Variants in ADAM20 observed in about 807,000 individuals in gnomAD.
The protein encoded by ADAM20 is disintegrin and metalloproteinase domain-containing protein 20.
For synonymous variants in ADAM20, 305 were observed against 310.2 expected (o/e 0.98, Z 0.18); for missense variants, 871 against 883.2 (o/e 0.99, Z 0.18).
chr14:70,574,515 G>A, the ADAM20 span, among the ~76,000 whole-genome samples: 4 of 151,780 alleles, frequency 2.6e-5, no homozygotes, highest in African/African-American at 2.4e-5. Context: ...TGGCGGGTGC[G>A]TGTAGTCCCA....
the ADAM20 span, among the ~76,000 whole-genome samples, chr14:70,575,884 AAT>A: frequency 1.3e-5 from 2 of 152,320 alleles, no homozygotes; most frequent in East Asian, 3.9e-4. Flanking sequence ...CAAAAATTTG[AAT>A]ATACAATATG....
the ADAM20 span, among the ~76,000 whole-genome samples, chr14:70,543,764 C>CT: frequency 6.6e-6 from 1 of 152,202 alleles, no homozygotes; most frequent in Non-Finnish European, 1.5e-5. Flanking sequence ...TACAGTCACT[C>CT]TGAGACCAGA....
the ADAM20 span, among the ~76,000 whole-genome samples, chr14:70,573,978 TAAAG>T: frequency 6.6e-6 from 1 of 152,256 alleles, no homozygotes; most frequent in South Asian, 2.1e-4. Flanking sequence ...AGAAAATCAA[TAAAG>T]AAACAGCAGA....
chr14:70,540,207 C>T, the ADAM20 span, among the ~76,000 whole-genome samples: 167 of 151,950 alleles, frequency 1.1e-3, no homozygotes, highest in African/African-American at 3.7e-3. Flanking sequence ...GGGCCTCACC[C>T]GAAGGCCAAT....
the ADAM20 span, among the ~76,000 whole-genome samples, chr14:70,554,085 G>T: frequency 6.6e-6 from 1 of 152,170 alleles, no homozygotes; most frequent in Non-Finnish European, 1.5e-5. Context: ...TAGTAAAATT[G>T]CAGGGTACAA....
At chr14:70,544,163 A>G in the ADAM20 span, among the ~76,000 whole-genome samples, 3 of 152,124 alleles carry the variant, frequency 2.0e-5, no homozygotes, top group African/African-American at 7.2e-5. Context: ...GAAACATTCC[A>G]AGCCTGTGAT....
At position 70,526,545 on chromosome 14, in the gene ADAM20, G is replaced by A. The variant is rs561972666; in HGVS notation, c.-176-1612C>T. Among the ~76,000 whole-genome samples, 94 of 152,308 alleles carry A rather than the reference G, an allele frequency of 6.2e-4. 1 individual carries two copies. The highest frequency in any genetic ancestry group is 2.2e-3 in the African/African-American group (91 of 41,570). On this transcript the variant is annotated intron_variant, in intron 1 of 1. Coordinates refer to ENST00000256389, the MANE Select transcript of ADAM20 (RefSeq NM_003814.5). The stretch of plus-strand genomic sequence containing the variant: ...AATGGGTGAATTGAGAGAGGATCAT[G>A]ACAGAAAAAGCCTTGTAGAGAAGAT...
intron 1 of ADAM20, among the ~76,000 whole-genome samples, chr14:70,531,079 C>G (rs568271246): frequency 1.3e-5 from 2 of 152,022 alleles, no homozygotes; most frequent in Admixed American, 6.5e-5. Flanking sequence ...AATTGGCAAA[C>G]CTTTAACTAG....
chr14:70,559,322 T>TC, the ADAM20 span, among the ~76,000 whole-genome samples: 1 of 151,274 alleles, frequency 6.6e-6, no homozygotes, highest in Non-Finnish European at 1.5e-5. Context: ...CTTTTTTTTT[T>TC]CATCATACCA....
the ADAM20 span, among the ~76,000 whole-genome samples, chr14:70,553,359 A>G: frequency 6.8e-6 from 1 of 147,024 alleles, no homozygotes; most frequent in Non-Finnish European, 1.5e-5. Context: ...AAAAAAAAAA[A>G]AAGAGCTAAT....
chr14:70,571,068 A>G, the ADAM20 span, among the ~76,000 whole-genome samples: 2 of 152,190 alleles, frequency 1.3e-5, no homozygotes, highest in Non-Finnish European at 2.9e-5. Flanking sequence ...CTTCATAAAA[A>G]CCTTCAACAA....
intron 1 of ADAM20, among the ~76,000 whole-genome samples, chr14:70,527,247 T>C (rs775111465): frequency 3.3e-5 from 5 of 152,182 alleles, no homozygotes; most frequent in Non-Finnish European, 5.9e-5. Flanking sequence ...TATCTCTCCC[T>C]GGGATCTTGG....
chr14:70,523,523 T>A lies in ADAM20; in HGVS notation c.1235A>T (p.Asn412Ile). ...GNIFRLKYCGNLVVEEGEECD... is the reference protein window; with the variant it reads ...GNIFRLKYCGILVVEEGEECD... ...TTCCTCCCCTTCTTCAACCACTAGA[T>A]TCCCACAGTACTTCAGTCTAAATAT... The change falls in exon 2 of 2, where the codon AAT becomes ATT. Residue 412 changes from asparagine to isoleucine, a missense_variant. Coordinates refer to ENST00000256389, the MANE Select transcript of ADAM20 (RefSeq NM_003814.5). The A allele has an allele frequency of 6.2e-7, 1 of 1,614,070 alleles. No individual in the cohort carries two copies. The highest frequency in any genetic ancestry group is 8.5e-7 in the Non-Finnish European group (1 of 1,179,966).
At chr14:70,530,373 G>A (rs1435837694) in intron 1 of ADAM20, among the ~76,000 whole-genome samples, 1 of 152,082 alleles carries the variant, frequency 6.6e-6, no homozygotes, top group African/African-American at 2.4e-5. Flanking sequence ...CCTCCTGAAT[G>A]AACTGCCTGA....
the ADAM20 span, among the ~76,000 whole-genome samples, chr14:70,546,532 C>T: frequency 1.3e-5 from 2 of 152,042 alleles, no homozygotes; most frequent in African/African-American, 4.8e-5. Context: ...TTTCTGACAA[C>T]CCTTTCTAAA....
At chr14:70,555,948 C>A in the ADAM20 span, among the ~76,000 whole-genome samples, 1 of 152,168 alleles carries the variant, frequency 6.6e-6, no homozygotes. Context: ...GGACCAAGGA[C>A]GAGAAACCAC....
chr14:70,558,352 C>A, the ADAM20 span, among the ~76,000 whole-genome samples: 41 of 152,184 alleles, frequency 2.7e-4, no homozygotes, highest in Non-Finnish European at 4.4e-4. Context: ...ATATTTACTA[C>A]CCTGGCTACT....
chr14:70,539,099 C>A (rs151313552), upstream of ADAM20, among the ~76,000 whole-genome samples: 1 of 150,216 alleles, frequency 6.7e-6, no homozygotes, highest in African/African-American at 2.5e-5. Flanking sequence ...GCATGATGTG[C>A]TTCCCCCCAC....
upstream of ADAM20, among the ~76,000 whole-genome samples, chr14:70,536,113 G>A (rs1364364996): frequency 1.3e-5 from 2 of 152,008 alleles, no homozygotes; most frequent in East Asian, 3.9e-4. Flanking sequence ...ATGTGCATGG[G>A]ACATATACCA....
Sources: gnomAD v4.1 joint callset for allele counts (sites outside exome capture counted in the v4.1 genomes callset) on GRCh38, gnomAD v4.1.1 for gene constraint, MANE v1.5 for transcripts, NCBI Gene and HGNC (gene_info 2026-07-23, HGNC 2026-07-21) for gene names.